The following PCDHA8 variants were observed in gnomAD, a reference collection of about 807,000 sequenced individuals.
The protein encoded by PCDHA8 is protocadherin alpha-8.
Under a neutral mutation model 61.8 loss-of-function variants are expected in PCDHA8, and 53 were observed. The ratio of observed to expected loss-of-function variants is 0.86; its 90% CI spans 0.69 to 1.08. PCDHA8 has a LOEUF of 1.08. PCDHA8 is among the 50% of genes least tolerant of loss of function. The probability of loss-of-function intolerance (pLI) is 0.00; values close to 1 mark genes in which losing one functional copy is unlikely to be tolerated. For synonymous variants in PCDHA8, 618 were observed against 556.6 expected (o/e 1.11, Z -1.55); for missense variants, 1,293 against 1,245.0 (o/e 1.04, Z -0.58).
At position 141,011,003 on chromosome 5, in the gene PCDHA8, C is replaced by G. The variant is rs748731648; in HGVS notation, c.*1066C>G. 2.0e-5 allele frequency: 3 copies of G among 153,824 alleles called. No homozygotes were observed. In the South Asian group the frequency reaches 6.2e-4, roughly 32 times the overall value. 9.5% of individuals were successfully genotyped at this position (153,824 alleles called of 1,614,324 possible). On this transcript the variant is annotated 3_prime_UTR_variant, in exon 4 of 4. Coordinates refer to ENST00000531613, the MANE Select transcript of PCDHA8 (RefSeq NM_018911.3). ...ATTGCCTGAAACATCTGTATTATAT[C>G]GGCCACCTGCCAATCACAGCTTTAC...
chr5:140,886,698 C>T (rs578140955), intron 1 of PCDHA8, among the ~76,000 whole-genome samples: 5 of 151,938 alleles, frequency 3.3e-5, no homozygotes, highest in East Asian at 2.0e-4. Flanking sequence ...TGGTGGCACG[C>T]GCCTGTAATC....
chr5:140,981,037 A>T (rs1427761331), intron 2 of PCDHA8, among the ~76,000 whole-genome samples: 1 of 152,204 alleles, frequency 6.6e-6, no homozygotes, highest in Non-Finnish European at 1.5e-5. Context: ...TTTGGGGAAA[A>T]AAAACAGATA....
chr5:140,866,295 G>T (rs561985862), intron 1 of PCDHA8: 17 of 152,252 alleles, frequency 1.1e-4, no homozygotes, highest in African/African-American at 3.4e-4. Flanking sequence ...GACAAGTATA[G>T]ATGTTGATAT....
intron 1 of PCDHA8, chr5:140,877,979 A>G (rs2057420487): frequency 4.9e-6 from 6 of 1,227,544 alleles, no homozygotes; most frequent in Non-Finnish European, 5.4e-6. Flanking sequence ...ATTCTTACTC[A>G]TTTTGAACTT....
chr5:140,957,169 A>T (rs868935808), intron 1 of PCDHA8, among the ~76,000 whole-genome samples: 16 of 152,164 alleles, frequency 1.1e-4, no homozygotes, highest in African/African-American at 3.9e-4. Flanking sequence ...CTAAGTATAT[A>T]AATTGGTTTA....
At chr5:140,926,320 C>T (rs555057115) in intron 1 of PCDHA8, 1 of 152,240 alleles carries the variant, frequency 6.6e-6, no homozygotes, top group Non-Finnish European at 1.5e-5. Context: ...AGAGGTGCGC[C>T]GGGGTCAGAG....
rs369786229 is a variant in PCDHA8 at position 140,858,286 on chromosome 5, G to T, written c.2394+14571G>T. ...TGTGCTCTAGCGCGGTGGGGAGCTGGTCTTACTCGCAGCAGAGGCGGCAGA... is the reference window on the plus strand; with the variant it reads ...TGTGCTCTAGCGCGGTGGGGAGCTGTTCTTACTCGCAGCAGAGGCGGCAGA... On this transcript the variant is annotated intron_variant, in intron 1 of 3. Coordinates refer to ENST00000531613, the MANE Select transcript of PCDHA8 (RefSeq NM_018911.3). 5.0e-6 allele frequency: 8 copies of T among 1,597,506 alleles called. 1 individual carries two copies. Among genetic ancestry groups the T allele is most frequent in the Non-Finnish European group, 6.9e-6 (8 of 1,167,336 alleles).
At chr5:140,849,603 G>T in intron 1 of PCDHA8, 1 of 1,598,696 alleles carries the variant, frequency 6.3e-7, no homozygotes, top group Non-Finnish European at 8.6e-7. Context: ...GACAGTTATT[G>T]CCCTGATTAG....
intron 3 of PCDHA8, among the ~76,000 whole-genome samples, chr5:140,999,235 T>C (rs1407252981): frequency 6.6e-6 from 1 of 152,154 alleles, no homozygotes; most frequent in Non-Finnish European, 1.5e-5. Context: ...GAATAGGTGG[T>C]TAAAGTGGGA....
At chr5:140,894,710 G>A (rs1032103787) in intron 1 of PCDHA8, among the ~76,000 whole-genome samples, 1 of 151,116 alleles carries the variant, frequency 6.6e-6, no homozygotes, top group Non-Finnish European at 1.5e-5. Context: ...TGTTTAAGTT[G>A]TTTTCAAATA....
chr5:140,849,560 C>T, intron 1 of PCDHA8: 1 of 1,598,572 alleles, frequency 6.3e-7, no homozygotes, highest in Non-Finnish European at 8.6e-7. Context: ...TCAAAACGCT[C>T]TCGGTTCCTG....
At chr5:140,910,690 G>T (rs2153515620) in intron 1 of PCDHA8, among the ~76,000 whole-genome samples, 1 of 152,224 alleles carries the variant, frequency 6.6e-6, no homozygotes, top group African/African-American at 2.4e-5. Context: ...GGCATTTCCA[G>T]CTTGCTCACA....
intron 1 of PCDHA8, among the ~76,000 whole-genome samples, chr5:140,975,197 C>T (rs1176492853): frequency 6.6e-6 from 1 of 152,230 alleles, no homozygotes; most frequent in Non-Finnish European, 1.5e-5. Flanking sequence ...TCTGCTCCAT[C>T]TTCATGGCTG....
intron 1 of PCDHA8, among the ~76,000 whole-genome samples, chr5:140,933,899 G>T (rs2089496307): frequency 6.6e-6 from 1 of 151,508 alleles, no homozygotes; most frequent in African/African-American, 2.4e-5. Flanking sequence ...TGAATATTTT[G>T]GCATAAAGTT....
rs200720426 is a variant in PCDHA8 at position 140,843,189 on chromosome 5, G to A, written c.1868G>A (p.Arg623His). 5 of 1,595,874 alleles carry A rather than the reference G, an allele frequency of 3.1e-6. No homozygotes were observed. The highest frequency in any genetic ancestry group is 4.3e-6 in the Non-Finnish European group (5 of 1,165,584). Residue 623 changes from arginine (R) to histidine (H), a missense_variant, in exon 1 of 4, where the codon CGC (arginine) becomes CAC (histidine). Coordinates refer to ENST00000531613, the MANE Select transcript of PCDHA8 (RefSeq NM_018911.3). ...PAASSPRIPF[R>H]VGLYTGEIST... ...GCAAGCAGCCCTCGCATCCCGTTCC[G>A]CGTGGGGCTGTACACGGGCGAGATC...
chr5:140,966,826 G>T, intron 1 of PCDHA8: 5 of 1,560,694 alleles, frequency 3.2e-6, no homozygotes, highest in Non-Finnish European at 4.3e-6. Context: ...GGCGGCCCAT[G>T]CCCTGGCTGC....
At position 140,858,183 on chromosome 5, in the gene PCDHA8, C is replaced by T. The variant is rs1417282608; in HGVS notation, c.2394+14468C>T. The T allele has an allele frequency of 1.1e-5, 17 of 1,597,392 alleles. 4 individuals carry two copies. The highest frequency in any genetic ancestry group is 5.5e-5 in the South Asian group (5 of 90,536). On this transcript the variant is annotated intron_variant, in intron 1 of 3. Transcript: ENST00000531613. ...GCGGTGTCCAGCTTGCTGGTGCTCA[C>T]GCTGCTGCTGTACACTGCACTGAGG...
intron 1 of PCDHA8, chr5:140,882,206 G>C: frequency 6.5e-7 from 1 of 1,531,252 alleles, no homozygotes; most frequent in Non-Finnish European, 8.8e-7. Context: ...TGGGCCTTGA[G>C]AGACAGTTTG....
At position 140,856,085 on chromosome 5, in the gene PCDHA8, C is replaced by T. The variant is rs2043764270; in HGVS notation, c.2394+12370C>T. 5.0e-6 allele frequency: 8 copies of T among 1,596,290 alleles called. No homozygotes were observed. In the East Asian group the frequency reaches 1.8e-4, roughly 36 times the overall value. On this transcript the variant is annotated intron_variant, in intron 1 of 3. Transcript: ENST00000531613. ...ATGTAGCTGCCTGGGGGTCCAGTGT[C>T]TGCTGCTCTCGCTTCTTCTCCTCGC...
Sources: gnomAD v4.1 joint callset for allele counts (sites outside exome capture counted in the v4.1 genomes callset) on GRCh38, gnomAD v4.1.1 for gene constraint, MANE v1.5 for transcripts, NCBI Gene and HGNC (gene_info 2026-07-23, HGNC 2026-07-21) for gene names.